Variants in SRPX observed in about 807,000 individuals in gnomAD.
SRPX encodes sushi repeat containing protein X-linked, also known as sushi repeat-containing protein SRPX.
A neutral mutation model predicts 38.1 loss-of-function variants in SRPX; 24 were observed. That is an observed-to-expected ratio of 0.63 (90% CI 0.46 to 0.89). SRPX has a LOEUF of 0.89. SRPX is among the 40% of genes least tolerant of loss of function. The pLI is 0.00. For synonymous variants in SRPX, 184 were observed against 153.8 expected (o/e 1.20, Z -1.45); for missense variants, 416 against 377.8 (o/e 1.10, Z -0.84).
rs28595802 is a variant in SRPX at position 38,182,685 on chromosome X, T to C, written c.98-4341A>G. ...TTATGGGAAAGATTTTTCTCCCTGA[T>C]AAAAGAGAAAACTGCGCAAGGAGAA... On this transcript the variant is annotated intron_variant, in intron 1 of 9. Coordinates refer to ENST00000378533, the MANE Select transcript of SRPX (RefSeq NM_006307.5). Among the ~76,000 whole-genome samples, 650 of 112,111 alleles carry C rather than the reference T, an allele frequency of 5.8e-3. 5 individuals carry two copies. Among genetic ancestry groups the C allele is most frequent in the African/African-American group, 0.02 (613 of 30,851 alleles).
At chrX:38,170,184 C>G (rs758654188) in intron 4 of SRPX, among the ~76,000 whole-genome samples, 1 of 111,503 alleles carries the variant, frequency 9.0e-6, no homozygotes, top group South Asian at 3.8e-4. Context: ...CTTCTCTCTT[C>G]CCTCACAGTC....
At chrX:38,189,106 C>T (rs1938847007) in intron 1 of SRPX, among the ~76,000 whole-genome samples, 1 of 111,464 alleles carries the variant, frequency 9.0e-6, no homozygotes, top group Non-Finnish European at 1.9e-5. Flanking sequence ...TAGGATGCAA[C>T]TGAAAAAGCC....
chrX:38,154,803 G>A (rs919859997), intron 8 of SRPX, among the ~76,000 whole-genome samples: 2 of 111,907 alleles, frequency 1.8e-5, no homozygotes, highest in Admixed American at 9.5e-5. Context: ...TTGACAGTGG[G>A]ATTTTGAAAA....
chrX:38,216,234 G>A (rs1377643621), intron 1 of SRPX, among the ~76,000 whole-genome samples: 6 of 111,733 alleles, frequency 5.4e-5, no homozygotes, highest in Middle Eastern at 4.6e-3. Flanking sequence ...TGTGCTCCCC[G>A]GGCCTGTCAA....
chrX:38,219,197 A>G (rs1939468674), intron 1 of SRPX, among the ~76,000 whole-genome samples: 1 of 110,646 alleles, frequency 9.0e-6, no homozygotes, highest in Admixed American at 9.6e-5. Flanking sequence ...GCAGGGGAGG[A>G]GAACGGAGGG....
chrX:38,202,955 G>A (rs897455624), intron 1 of SRPX, among the ~76,000 whole-genome samples: 22 of 112,039 alleles, frequency 2.0e-4, no homozygotes, highest in African/African-American at 6.8e-4. Context: ...GCCAAAACCA[G>A]ATAAGGACTT....
rs149572123 is a variant in SRPX, at chrX:38,164,829, G to A, written c.593C>T (p.Thr198Ile). 3.4e-4 allele frequency: 405 copies of A among 1,208,558 alleles called. 1 individual carries two copies. The highest frequency in any genetic ancestry group is 3.0e-3 in the African/African-American group (169 of 57,028). Residue 198 changes from threonine to isoleucine, a missense_variant, in exon 5 of 10, where the codon ACA becomes ATA. By Grantham distance (89) the Thr-to-Ile change is moderately conservative. Transcript: ENST00000378533. ...KERIAEPNKL[T>I]VRVSWETPEG... ...GGGTGTCTCCCAGGACACCCGGACTGTCAGTTTGTTGGGTTCTGCAATGCG... is the reference window on the plus strand; with the variant it reads ...GGGTGTCTCCCAGGACACCCGGACTATCAGTTTGTTGGGTTCTGCAATGCG...
At chrX:38,207,123 A>G (rs1400851621) in intron 1 of SRPX, among the ~76,000 whole-genome samples, 1 of 112,492 alleles carries the variant, frequency 8.9e-6, no homozygotes, top group Non-Finnish European at 1.9e-5. Context: ...TTAAAACAGC[A>G]TGTGGCTTGT....
intron 1 of SRPX, among the ~76,000 whole-genome samples, chrX:38,199,437 A>T (rs760193980): frequency 1.8e-5 from 2 of 109,589 alleles, no homozygotes; most frequent in South Asian, 3.9e-4. Context: ...AAAAAAAATA[A>T]AAAAAGTGTG....
intron 8 of SRPX, among the ~76,000 whole-genome samples, chrX:38,155,480 C>T (rs754351146): frequency 2.7e-5 from 3 of 112,292 alleles, no homozygotes; most frequent in African/African-American, 6.5e-5. Flanking sequence ...ACTAGAGCAA[C>T]GATGGCAATC....
chrX:38,213,417 CA>C (rs1276159313), intron 1 of SRPX, among the ~76,000 whole-genome samples: 2 of 111,584 alleles, frequency 1.8e-5, no homozygotes, highest in African/African-American at 3.3e-5. Flanking sequence ...GAGCTCAAAG[CA>C]AATGGTATAG....
chrX:38,189,798 C>A (rs1425899818), intron 1 of SRPX, among the ~76,000 whole-genome samples: 1 of 111,791 alleles, frequency 8.9e-6, no homozygotes, highest in Non-Finnish European at 1.9e-5. Flanking sequence ...TTTTTTCTTC[C>A]CAGCTAGACA....
Position 38,160,296 on chromosome X carries a change from C to A in SRPX, c.776-100G>T. ...CAGAGGCATCAGCTTTGCAATCAGG[C>A]TTCTACATCAGCCTGTGAAATGAGT... is the stretch of plus-strand genomic sequence containing the variant. On this transcript the variant is annotated intron_variant, in intron 6 of 9. Coordinates refer to ENST00000378533, the MANE Select transcript of SRPX (RefSeq NM_006307.5). The A allele has an allele frequency of 7.1e-6, 6 of 848,197 alleles. No individual in the cohort carries two copies. In the Admixed American group the frequency reaches 1.6e-4, roughly 23 times the overall value. 69.9% of individuals were successfully genotyped at this position (848,197 alleles called of 1,213,427 possible). A position where few individuals can be genotyped will look rare whatever the true frequency, so the allele number is the denominator to read the frequency against.
rs1123773 is a variant in SRPX, at chrX:38,161,035, G to A, written c.673C>T (p.Pro225Ser). 0.012 allele frequency: 14,319 copies of A among 1,207,829 alleles called. 73 individuals carry two copies. Among genetic ancestry groups the A allele is most frequent in the Non-Finnish European group, 0.014 (12,343 of 894,519 alleles). ...ILTDVILKGLPPGSNFPEGDH... is the reference protein window; with the variant it reads ...ILTDVILKGLSPGSNFPEGDH... ...CCTTCTGGAAAGTTGGAGCCTGGGG[G>A]GAGGCCTTTTAGAATGACACTTAGA... Residue 225 changes from proline (P) to serine (S), a missense_variant, in exon 6 of 10, where the codon CCC becomes TCC. Physicochemically the swap from Pro to Ser is moderately conservative, Grantham distance 74 (BLOSUM62 -1). Coordinates refer to ENST00000378533, the MANE Select transcript of SRPX (RefSeq NM_006307.5).
At chrX:38,180,374 A>T (rs988221271) in intron 1 of SRPX, among the ~76,000 whole-genome samples, 2 of 111,541 alleles carry the variant, frequency 1.8e-5, no homozygotes, top group Non-Finnish European at 3.8e-5. Context: ...TGCCATTTGG[A>T]CATAAGTATT....
chrX:38,186,599 C>T (rs756978188), intron 1 of SRPX, among the ~76,000 whole-genome samples: 12 of 111,885 alleles, frequency 1.1e-4, no homozygotes, highest in East Asian at 8.4e-4. Flanking sequence ...TAGGTCACTG[C>T]GGTAGATACT....
intron 1 of SRPX, among the ~76,000 whole-genome samples, chrX:38,191,742 T>C (rs1461343072): frequency 8.9e-6 from 1 of 112,144 alleles, no homozygotes; most frequent in Non-Finnish European, 1.9e-5. Context: ...GTTGATGGCA[T>C]ACTGTGTGCA....
chrX:38,153,302 C>CA, intron 9 of SRPX, among the ~76,000 whole-genome samples: 1 of 54,724 alleles, frequency 1.8e-5, no homozygotes, highest in Admixed American at 2.6e-4. Context: ...TTCTTTCTTT[C>CA]TTTTTTTTTT....
chrX:38,177,541 G>A (rs990962459), intron 2 of SRPX, among the ~76,000 whole-genome samples: 7 of 67,453 alleles, frequency 1.0e-4, no homozygotes, highest in Non-Finnish European at 2.0e-4. Context: ...GTGAAACTTT[G>A]TTAACCATTT....
Sources: gnomAD v4.1 joint callset for allele counts (sites outside exome capture counted in the v4.1 genomes callset) on GRCh38, gnomAD v4.1.1 for gene constraint, MANE v1.5 for transcripts, NCBI Gene and HGNC (gene_info 2026-07-23, HGNC 2026-07-21) for gene names.